The following PATL1 variants were observed in gnomAD, a reference collection of about 807,000 sequenced individuals.
PATL1 encodes the protein PAT1 homolog 1, processing body mRNA decay factor, also known as protein PAT1 homolog 1.
Under a neutral mutation model 100.6 loss-of-function variants are expected in PATL1, and 32 were observed. The ratio of observed to expected loss-of-function variants is 0.32; its 90% CI spans 0.24 to 0.43. The LOEUF (loss-of-function observed/expected upper bound fraction) is 0.43, where lower values mean the gene tolerates loss of function less well. Among genes scored for constraint, PATL1 ranks in the 20% least tolerant of loss-of-function variants. The probability of loss-of-function intolerance (pLI) is 1.00; values close to 1 mark genes in which losing one functional copy is unlikely to be tolerated. For missense variants in PATL1, 747 were observed against 949.9 expected (o/e 0.79, Z 2.81); for synonymous variants, 332 against 330.0 (o/e 1.01, Z -0.07).
intron 2 of PATL1, among the ~76,000 whole-genome samples, chr11:59,666,044 T>C (rs1224301694): frequency 2.0e-5 from 3 of 152,072 alleles, no homozygotes; most frequent in African/African-American, 7.2e-5. Context: ...TCCCAGCACT[T>C]TGGGAGGCCG....
At chr11:59,657,458 A>G in intron 5 of PATL1, 72 bp downstream of exon 5, 2 of 1,347,718 alleles carry the variant, frequency 1.5e-6, no homozygotes, top group Non-Finnish European at 2.0e-6. Context: ...TCCACCCAAC[A>G]TCACCAATTT....
intron 2 of PATL1, among the ~76,000 whole-genome samples, chr11:59,661,470 C>T (rs12291105): frequency 0.03 from 4,538 of 152,106 alleles, 217 homozygotes; most frequent in African/African-American, 0.1. Context: ...TTATTTCTTC[C>T]TTTACCTCAT....
chr11:59,642,766 T>G (rs1000041207), intron 16 of PATL1, 114 bp downstream of exon 16: 14 of 1,172,720 alleles, frequency 1.2e-5, no homozygotes, highest in Middle Eastern at 3.0e-4. Flanking sequence ...ATGTAACTCT[T>G]GACTGAAAGA....
intron 16 of PATL1, 144 bp downstream of exon 16, chr11:59,642,736 A>G: frequency 1.2e-6 from 1 of 849,940 alleles, no homozygotes; most frequent in South Asian, 2.2e-5. Flanking sequence ...TGTTATTTCT[A>G]GCCGGTTACT....
In PATL1 at chr11:59,657,581, G is replaced by T; in HGVS notation, c.570C>A (p.Val190=). ...TCTGTTTAGGTGGGGTGCCTATGGG[G>T]ACAGCTCTAACAGGAGGACTGCCAA... ...PIIGSPPVRA[V]PIGTPPKQMA... Residue 190 remains valine, a synonymous_variant, in exon 5 of 19, where the codon GTC becomes GTA. Transcript: ENST00000300146. 3 of 1,612,214 alleles carry T rather than the reference G, an allele frequency of 1.9e-6. No individual in the cohort carries two copies. The highest frequency in any genetic ancestry group is 4.2e-4 in the Middle Eastern group (2 of 4,738).
At chr11:59,652,663 C>A in intron 10 of PATL1, 76 bp from the exon 11 acceptor site, 1 of 1,571,124 alleles carries the variant, frequency 6.4e-7, no homozygotes, top group Non-Finnish European at 8.6e-7. Context: ...TAATTTATGC[C>A]AGTGACAGTA....
intron 2 of PATL1, 69 bp downstream of exon 2, chr11:59,666,784 C>T: frequency 6.8e-7 from 1 of 1,470,814 alleles, no homozygotes; most frequent in Non-Finnish European, 9.1e-7. Context: ...AGATAAAGCA[C>T]TTCTAAAAGA....
intron 18 of PATL1, 43 bp downstream of exon 18, chr11:59,639,005 C>G: frequency 6.3e-7 from 1 of 1,593,628 alleles, no homozygotes; most frequent in Non-Finnish European, 8.6e-7. Context: ...CTTCTAAAGT[C>G]CCAACTTTAG....
chr11:59,650,853 C>G (rs2134747212), intron 12 of PATL1, 40 bp from the exon 13 acceptor site: 1 of 1,378,754 alleles, frequency 7.3e-7, no homozygotes, highest in Non-Finnish European at 9.9e-7. Context: ...TTCTTTATCT[C>G]TGTTAAAATA....
rs1051906093 is a variant in PATL1, at chr11:59,652,781, C to T, written c.1302+57G>A. The T allele has an allele frequency of 4.0e-5, 62 of 1,559,852 alleles. No homozygotes were observed. In the South Asian group the frequency reaches 6.8e-4, roughly 17 times the overall value. ...AATTGTACCAATATTTAAATGAATA[C>T]CCTCACCAGTGTAGGGGACCAAACT... is the stretch of plus-strand genomic sequence containing the variant. On this transcript the variant is annotated intron_variant, in intron 10 of 18. Coordinates refer to ENST00000300146, the MANE Select transcript of PATL1 (RefSeq NM_152716.3).
At position 59,666,843 on chromosome 11, in the gene PATL1, T is replaced by C. The variant is rs1861697615; in HGVS notation, c.127+10A>G. 4 of 1,546,410 alleles carry C rather than the reference T, an allele frequency of 2.6e-6. No homozygotes were observed. Among genetic ancestry groups the C allele is most frequent in the South Asian group, 2.4e-5 (2 of 82,798 alleles). ...CTAAGATGATATTATAAGCGAAAGA[T>C]GTCACTTACCAACTGCACCTGACCC... On this transcript the variant is annotated intron_variant, in intron 2 of 18. Transcript: ENST00000300146.
chr11:59,655,784 C>A (rs1861521379), intron 7 of PATL1, 44 bp from the exon 8 acceptor site: 1 of 1,498,992 alleles, frequency 6.7e-7, no homozygotes, highest in South Asian at 1.2e-5. Context: ...ATCAGCAAGT[C>A]CCCTTGCTTT....
At chr11:59,659,579 T>G in intron 2 of PATL1, 110 bp from the exon 3 acceptor site, 1 of 1,011,792 alleles carries the variant, frequency 9.9e-7, no homozygotes, top group Non-Finnish European at 1.4e-6. Context: ...TCGCCCAGGC[T>G]GCAGTGCAGT....
chr11:59,662,846 T>C (rs1205419011), intron 2 of PATL1, among the ~76,000 whole-genome samples: 1 of 152,164 alleles, frequency 6.6e-6, no homozygotes, highest in Non-Finnish European at 1.5e-5. Context: ...ATATGGATAA[T>C]CTATTTCCCC....
chr11:59,666,768 C>T lies in PATL1; in HGVS notation c.127+85G>A, dbSNP rs1370728943. The T allele has an allele frequency of 3.6e-6, 5 of 1,379,336 alleles. No individual in the cohort carries two copies. In the African/African-American group the frequency reaches 5.9e-5, roughly 16 times the overall value. The allele number at this position is 1,379,336 out of a possible 1,614,324, so 85.4% of individuals were successfully genotyped here. A position where few individuals can be genotyped will look rare whatever the true frequency, so the allele number is the denominator to read the frequency against. On this transcript the variant is annotated intron_variant, in intron 2 of 18. Transcript: ENST00000300146. ...GCCAAGTTAGTGAATAAGGTTACCC[C>T]TAATAAGATAAAGCACTTCTAAAAG...
intron 14 of PATL1, 134 bp from the exon 15 acceptor site, chr11:59,648,047 A>G: frequency 1.7e-6 from 1 of 598,166 alleles, no homozygotes; most frequent in Non-Finnish European, 2.5e-6. Context: ...ATAAAACAGT[A>G]GGAATCACTT....
In PATL1 at chr11:59,654,153, A is replaced by T. The variant is rs1463504075; in HGVS notation, c.1032-81T>A. On this transcript the variant is annotated intron_variant, in intron 8 of 18. Transcript: ENST00000300146. ...TAAAGAATGTTGTCAGTAGAGGATA[A>T]CTTCATACAGGTTAACTTAAGGGAC... 8.3e-6 allele frequency: 10 copies of T among 1,207,740 alleles called. No individual in the cohort carries two copies. The Admixed American group carries it at 1.7e-4, about 21-fold the overall frequency. The allele number at this position is 1,207,740 out of a possible 1,614,324, so 74.8% of individuals were successfully genotyped here.
intron 2 of PATL1, among the ~76,000 whole-genome samples, chr11:59,660,688 G>A (rs932738869): frequency 3.3e-5 from 5 of 152,148 alleles, no homozygotes; most frequent in African/African-American, 1.2e-4. Context: ...GAAGTCATGA[G>A]GAGGGAGCTC....
In PATL1 at chr11:59,638,439, A is replaced by G. The variant is rs755320362; in HGVS notation, c.2292-28T>C. The G allele has an allele frequency of 4.3e-5, 68 of 1,594,582 alleles. 2 individuals are homozygous for G. The South Asian group carries it at 7.5e-4, about 17-fold the overall frequency. Reference sequence around the variant, plus strand: ...AGGAGTACAAAGGAGAGAAAGGAAAATTGTATAAATGAGTTAAAACAGAAG... The same window carrying G: ...AGGAGTACAAAGGAGAGAAAGGAAAGTTGTATAAATGAGTTAAAACAGAAG... On this transcript the variant is annotated intron_variant, in intron 18 of 18. Coordinates refer to ENST00000300146, the MANE Select transcript of PATL1 (RefSeq NM_152716.3).
Sources: allele counts gnomAD v4.1 joint callset (sites outside exome capture counted in the v4.1 genomes callset), GRCh38; gene constraint gnomAD v4.1.1; transcripts MANE v1.5; gene names NCBI Gene and HGNC (gene_info 2026-07-23, HGNC 2026-07-21).